The following SMOC1 variants were observed in gnomAD, a reference collection of about 807,000 sequenced individuals.
The protein encoded by SMOC1 is SPARC related modular calcium binding 1.
Under a neutral mutation model 56.3 loss-of-function variants are expected in SMOC1, and 22 were observed. That is an observed-to-expected ratio of 0.39 (90% CI 0.28 to 0.56). SMOC1 has a LOEUF of 0.56. SMOC1 is among the 20% of genes least tolerant of loss of function. The probability of loss-of-function intolerance (pLI) is 0.61; values close to 1 mark genes in which losing one functional copy is unlikely to be tolerated. For missense variants in SMOC1, 509 were observed against 565.4 expected (o/e 0.90, Z 1.01); for synonymous variants, 193 against 215.0 (o/e 0.90, Z 0.89).
chr14:69,930,030 G>T (rs118005233), intron 1 of SMOC1, among the ~76,000 whole-genome samples: 1,669 of 152,146 alleles, frequency 0.011, 16 homozygotes, highest in Non-Finnish European at 0.016. Flanking sequence ...AGACGTGGCT[G>T]GGGGAGCAGC....
At chr14:70,030,196 C>T (rs775966133) in intron 11 of SMOC1, 46 bp from the exon 12 acceptor site, 3 of 1,600,582 alleles carry the variant, frequency 1.9e-6, no homozygotes, top group Non-Finnish European at 2.6e-6. Flanking sequence ...TATATCTGCC[C>T]CCGACCTTTT....
intron 5 of SMOC1, among the ~76,000 whole-genome samples, chr14:69,978,343 G>T (rs1359768296): frequency 6.6e-6 from 1 of 152,202 alleles, no homozygotes; most frequent in Admixed American, 6.5e-5. Flanking sequence ...CTCTCTTGTT[G>T]TGTAAGCACA....
chr14:69,951,538 T>C (rs1484395866), intron 1 of SMOC1, among the ~76,000 whole-genome samples: 1 of 152,218 alleles, frequency 6.6e-6, no homozygotes, highest in African/African-American at 2.4e-5. Flanking sequence ...ATTATTTAAC[T>C]TCTGTATTCT....
intron 3 of SMOC1, among the ~76,000 whole-genome samples, chr14:69,960,230 C>G (rs748467070): frequency 2.6e-5 from 4 of 152,130 alleles, no homozygotes; most frequent in Non-Finnish European, 5.9e-5. Flanking sequence ...GGGCCAAGGG[C>G]CTTTTTGTCT....
At chr14:69,915,758 C>A (rs976235194) in intron 1 of SMOC1, among the ~76,000 whole-genome samples, 1 of 152,178 alleles carries the variant, frequency 6.6e-6, no homozygotes, top group African/African-American at 2.4e-5. Flanking sequence ...CAGCTCTTGA[C>A]ACAGTTAATC....
chr14:70,014,182 A>T (rs1035368792), intron 10 of SMOC1, among the ~76,000 whole-genome samples: 2 of 152,218 alleles, frequency 1.3e-5, no homozygotes, highest in East Asian at 3.8e-4. Context: ...AGGATGAGGT[A>T]TCTGGGGATA....
intron 1 of SMOC1, among the ~76,000 whole-genome samples, chr14:69,924,012 A>G (rs1315356962): frequency 6.6e-6 from 1 of 152,244 alleles, no homozygotes; most frequent in African/African-American, 2.4e-5. Context: ...GAACTGCACC[A>G]ACCAGAAAAA....
At chr14:69,993,868 G>T (rs1196775821) in intron 6 of SMOC1, among the ~76,000 whole-genome samples, 1 of 152,162 alleles carries the variant, frequency 6.6e-6, no homozygotes, top group East Asian at 1.9e-4. Flanking sequence ...TCCTGGAGAG[G>T]CTGGAGGCAC....
intron 1 of SMOC1, among the ~76,000 whole-genome samples, chr14:69,926,748 G>T (rs147095115): frequency 7.4e-4 from 113 of 152,222 alleles, no homozygotes; most frequent in Non-Finnish European, 2.6e-4. Context: ...TAGCCAAATG[G>T]CACATAGGCT....
intron 7 of SMOC1, among the ~76,000 whole-genome samples, chr14:70,000,381 AG>A (rs1213241944): frequency 6.6e-6 from 1 of 152,234 alleles, no homozygotes; most frequent in Non-Finnish European, 1.5e-5. Flanking sequence ...ATGAAAGTAC[AG>A]AGACTGTCAG....
intron 5 of SMOC1, among the ~76,000 whole-genome samples, chr14:69,980,692 G>A (rs896586318): frequency 1.3e-5 from 2 of 152,188 alleles, no homozygotes; most frequent in African/African-American, 4.8e-5. Context: ...GCAGCAGGTG[G>A]GAAGACACAA....
intron 5 of SMOC1, among the ~76,000 whole-genome samples, chr14:69,981,541 GA>G (rs1200960584): frequency 6.6e-6 from 1 of 152,130 alleles, no homozygotes. Flanking sequence ...GTGTGTGGGA[GA>G]GGGGGACGGT....
At chr14:69,929,204 C>T (rs1481684759) in intron 1 of SMOC1, among the ~76,000 whole-genome samples, 1 of 152,146 alleles carries the variant, frequency 6.6e-6, no homozygotes, top group Admixed American at 6.5e-5. Flanking sequence ...GAGGAGGCAC[C>T]CCATTTGCTG....
At chr14:70,016,990 G>T (rs74061022) in intron 10 of SMOC1, among the ~76,000 whole-genome samples, 4,962 of 152,270 alleles carry the variant, frequency 0.033, 264 homozygotes, top group African/African-American at 0.11. Context: ...AACCCAAGGA[G>T]AATTTAAGTT....
chr14:69,995,881 T>C (rs765747988), intron 7 of SMOC1, among the ~76,000 whole-genome samples: 2 of 152,198 alleles, frequency 1.3e-5, no homozygotes, highest in African/African-American at 4.8e-5. Flanking sequence ...CTATTAGGCT[T>C]CTTCTTAGGA....
intron 1 of SMOC1, among the ~76,000 whole-genome samples, chr14:69,937,958 C>A (rs531393985): frequency 1.1e-4 from 16 of 152,134 alleles, no homozygotes; most frequent in Admixed American, 2.0e-4. Flanking sequence ...TTGTTTTAGC[C>A]TGCACTTGCT....
At chr14:69,999,038 A>G (rs1392117612) in intron 7 of SMOC1, among the ~76,000 whole-genome samples, 1 of 152,170 alleles carries the variant, frequency 6.6e-6, no homozygotes, top group East Asian at 1.9e-4. Context: ...CTGGAGATAC[A>G]GCCATCAGCA....
In SMOC1 at chr14:69,890,713, C is replaced by T. The variant is rs571930443; in HGVS notation, c.99+10936C>T. ...CTGCTCATTTTCAGCATACTTTGAG[C>T]TCAGACTGCTTTAAAGGAGAGTTTT... On this transcript the variant is annotated intron_variant, in intron 1 of 11. Transcript: ENST00000361956. Among the ~76,000 whole-genome samples the T allele has an allele frequency of 2.0e-5, 3 of 152,316 alleles. No individual in the cohort carries two copies. In the South Asian group the frequency reaches 6.2e-4, roughly 32 times the overall value.
At chr14:69,957,146 C>T (rs1883216994) in intron 3 of SMOC1, among the ~76,000 whole-genome samples, 1 of 152,182 alleles carries the variant, frequency 6.6e-6, no homozygotes, top group Non-Finnish European at 1.5e-5. Flanking sequence ...AAGTCCTCTG[C>T]CAAGCAGTTG....
Sources: allele counts gnomAD v4.1 joint callset (sites outside exome capture counted in the v4.1 genomes callset), GRCh38; gene constraint gnomAD v4.1.1; transcripts MANE v1.5; gene names NCBI Gene and HGNC (gene_info 2026-07-23, HGNC 2026-07-21).